Variants in HS3ST5 observed in about 807,000 individuals in gnomAD.
HS3ST5 encodes the protein heparan sulfate glucosamine 3-O-sulfotransferase 5.
In HS3ST5, 10 loss-of-function variants were observed where a neutral mutation model predicts 25.4. The ratio of observed to expected loss-of-function variants is 0.39; its 90% CI spans 0.24 to 0.67. HS3ST5 has a LOEUF of 0.67. HS3ST5 is among the 30% of genes least tolerant of loss of function. The pLI is 0.44. For synonymous variants in HS3ST5, 170 were observed against 162.4 expected, an observed-to-expected ratio of 1.05 and a Z score of -0.36; for missense variants, 324 against 420.7, an observed-to-expected ratio of 0.77 and a Z score of 2.01.
At chr6:114,180,262 C>T (rs1400489987) in intron 2 of HS3ST5, among the ~76,000 whole-genome samples, 2 of 152,134 alleles carry the variant, frequency 1.3e-5, no homozygotes. Context: ...TCCTATACTG[C>T]ACATAAGGCA....
At chr6:114,213,497 TC>T (rs547005669) in intron 2 of HS3ST5, among the ~76,000 whole-genome samples, 30 of 152,144 alleles carry the variant, frequency 2.0e-4, no homozygotes, top group Non-Finnish European at 3.2e-4. Flanking sequence ...GTATTTCCCT[TC>T]CTCCTGTCTG....
intron 3 of HS3ST5, chr6:114,143,633 A>T (rs1041620591): frequency 2.0e-5 from 3 of 152,178 alleles, no homozygotes; most frequent in African/African-American, 7.2e-5. Context: ...CATCAGAAGA[A>T]ATTTTTCCAA....
intron 3 of HS3ST5, among the ~76,000 whole-genome samples, chr6:114,163,293 A>C (rs1250174777): frequency 6.6e-6 from 1 of 152,222 alleles, no homozygotes; most frequent in Non-Finnish European, 1.5e-5. Flanking sequence ...CATTAGAATA[A>C]ACACAAACTA....
chr6:114,116,661 G>A (rs370319282), intron 3 of HS3ST5, among the ~76,000 whole-genome samples: 10 of 151,824 alleles, frequency 6.6e-5, no homozygotes, highest in South Asian at 2.1e-4. Context: ...TTTGCCCTTC[G>A]CCTTCCACTT....
chr6:114,076,395 C>T (rs1170398971), intron 3 of HS3ST5, among the ~76,000 whole-genome samples: 1 of 152,172 alleles, frequency 6.6e-6, no homozygotes, highest in Non-Finnish European at 1.5e-5. Flanking sequence ...AAGACAACTG[C>T]ATTGTGGTGG....
chr6:114,339,895 G>A (rs990094795), intron 1 of HS3ST5, among the ~76,000 whole-genome samples: 2 of 152,198 alleles, frequency 1.3e-5, no homozygotes, highest in African/African-American at 4.8e-5. Context: ...CTCTGGGCAA[G>A]ATGCTGCTTC....
At chr6:114,168,642 A>G (rs1340155255) in intron 2 of HS3ST5, among the ~76,000 whole-genome samples, 180 bp from the exon 3 acceptor site, 1 of 152,140 alleles carries the variant, frequency 6.6e-6, no homozygotes, top group East Asian at 1.9e-4. Flanking sequence ...TTATTGAACA[A>G]TTTGCAGGGG....
intron 1 of HS3ST5, among the ~76,000 whole-genome samples, chr6:114,340,172 C>T (rs1354957156): frequency 6.6e-6 from 1 of 152,170 alleles, no homozygotes; most frequent in Non-Finnish European, 1.5e-5. Flanking sequence ...AACACCTCCT[C>T]ACAAAGATGT....
intron 2 of HS3ST5, among the ~76,000 whole-genome samples, chr6:114,207,384 T>C (rs1164007978): frequency 6.6e-6 from 1 of 152,158 alleles, no homozygotes; most frequent in Non-Finnish European, 1.5e-5. Flanking sequence ...ACATTTTTCA[T>C]TGTAGAGAAA....
intron 2 of HS3ST5, among the ~76,000 whole-genome samples, chr6:114,196,118 T>G (rs970741784): frequency 5.3e-5 from 8 of 152,188 alleles, no homozygotes; most frequent in Admixed American, 3.3e-4. Context: ...GAGAGCTTTC[T>G]TCTTTCACTT....
chr6:114,239,183 T>A (rs1390769709), intron 1 of HS3ST5: 3 of 152,238 alleles, frequency 2.0e-5, no homozygotes, highest in Admixed American at 2.0e-4. Context: ...TTGTTTAATC[T>A]CATTATACAC....
At chr6:114,062,638 G>A (rs371521224) in intron 4 of HS3ST5, 101 bp downstream of exon 4, 17 of 693,906 alleles carry the variant, frequency 2.4e-5, no homozygotes, top group African/African-American at 9.0e-5. Flanking sequence ...TGGGAATTTC[G>A]AAGGAGAAAA....
chr6:114,186,457 TAA>T (rs1166197269), intron 2 of HS3ST5, among the ~76,000 whole-genome samples: 1 of 152,128 alleles, frequency 6.6e-6, no homozygotes, highest in Non-Finnish European at 1.5e-5. Context: ...TCCCCTAAGT[TAA>T]AGACTAATCT....
chr6:114,063,933 C>T (rs1434874548), intron 3 of HS3ST5, among the ~76,000 whole-genome samples: 1 of 152,148 alleles, frequency 6.6e-6, no homozygotes, highest in Admixed American at 6.5e-5. Context: ...AAGAAGCTTA[C>T]CTGGAAGCTC....
At chr6:114,173,783 C>T (rs1311808401) in intron 2 of HS3ST5, among the ~76,000 whole-genome samples, 6 of 152,012 alleles carry the variant, frequency 3.9e-5, no homozygotes, top group Admixed American at 1.3e-4. Context: ...CACTTGAACC[C>T]GGGAGGCAGA....
At chr6:114,269,633 G>C (rs539791046) in intron 1 of HS3ST5, among the ~76,000 whole-genome samples, 1 of 152,254 alleles carries the variant, frequency 6.6e-6, no homozygotes, top group East Asian at 1.9e-4. Context: ...ATTGAAGCAA[G>C]GGTAGAAACC....
intron 3 of HS3ST5, among the ~76,000 whole-genome samples, chr6:114,065,611 A>G (rs911220091): frequency 1.3e-5 from 2 of 152,242 alleles, no homozygotes; most frequent in Admixed American, 6.5e-5. Context: ...ATATTACTAT[A>G]TAAAGGTTTA....
chr6:114,210,969 C>T (rs1195994740), intron 2 of HS3ST5, among the ~76,000 whole-genome samples: 1 of 152,178 alleles, frequency 6.6e-6, no homozygotes. Context: ...CAGGTTACTC[C>T]TCAACCCTTT....
intron 1 of HS3ST5, among the ~76,000 whole-genome samples, chr6:114,263,504 T>A (rs1773268934): frequency 6.6e-6 from 1 of 152,216 alleles, no homozygotes; most frequent in Non-Finnish European, 1.5e-5. Flanking sequence ...TATCTCCTAA[T>A]CTTCAAAGCC....
Sources: gnomAD v4.1 joint callset for allele counts (sites outside exome capture counted in the v4.1 genomes callset) on GRCh38, gnomAD v4.1.1 for gene constraint, MANE v1.5 for transcripts, NCBI Gene and HGNC (gene_info 2026-07-23, HGNC 2026-07-21) for gene names.